DMD: variants seen among roughly 807,000 people sequenced by gnomAD.
DMD encodes dystrophin.
Under a neutral mutation model 330.1 loss-of-function variants are expected in DMD, and 63 were observed. The observed-to-expected ratio is 0.19, with a 90% CI of 0.16 to 0.24. DMD has a LOEUF of 0.24. DMD is among the 10% of genes least tolerant of loss of function. The probability of loss-of-function intolerance (pLI) is 1.00; values close to 1 mark genes in which losing one functional copy is unlikely to be tolerated. For synonymous variants in DMD, 1,223 were observed against 959.8 expected (o/e 1.27, Z -5.07); for missense variants, 3,344 against 2,684.1 (o/e 1.25, Z -5.43).
intron 50 of DMD, among the ~76,000 whole-genome samples, chrX:31,809,725 G>A (rs2092402690): frequency 9.0e-6 from 1 of 111,293 alleles, no homozygotes. Context: ...AGGGTTTAAG[G>A]AGATAGGGGT....
chrX:31,869,311 G>A (rs2093851171), intron 48 of DMD, among the ~76,000 whole-genome samples: 1 of 110,379 alleles, frequency 9.1e-6, no homozygotes, highest in South Asian at 3.9e-4. Context: ...AAGGGTGATG[G>A]TAGAGATAGA....
At chrX:31,689,557 T>C (rs1406582228) in intron 52 of DMD, among the ~76,000 whole-genome samples, 2 of 111,668 alleles carry the variant, frequency 1.8e-5, no homozygotes, top group Non-Finnish European at 3.8e-5. Flanking sequence ...AGGAAATTTA[T>C]AGATTCAATG....
At chrX:31,205,819 G>A (rs1341495492) in intron 66 of DMD, among the ~76,000 whole-genome samples, 1 of 112,321 alleles carries the variant, frequency 8.9e-6, no homozygotes, top group East Asian at 2.8e-4. Flanking sequence ...CCTCACATGT[G>A]TGGCTAGGCC....
At chrX:31,246,071 A>G (rs956650597) in intron 63 of DMD, among the ~76,000 whole-genome samples, 1 of 112,324 alleles carries the variant, frequency 8.9e-6, no homozygotes, top group African/African-American at 3.2e-5. Context: ...TTAATGAAGG[A>G]AATTAAAAGT....
chrX:31,807,989 T>C (rs965990637), intron 50 of DMD, among the ~76,000 whole-genome samples: 2 of 111,601 alleles, frequency 1.8e-5, no homozygotes, highest in Non-Finnish European at 3.8e-5. Context: ...ATAATAATAA[T>C]GTAGTACCTA....
intron 18 of DMD, among the ~76,000 whole-genome samples, chrX:32,503,758 G>A (rs1205522147): frequency 7.2e-5 from 8 of 111,031 alleles, no homozygotes; most frequent in Non-Finnish European, 1.3e-4. Flanking sequence ...GTTTCACCAT[G>A]TTGGCCAGGC....
At chrX:33,299,189 G>C (rs1451245762) in intron 1 of DMD, among the ~76,000 whole-genome samples, 1 of 110,591 alleles carries the variant, frequency 9.0e-6, no homozygotes, top group African/African-American at 3.3e-5. Context: ...TGGTTATTAT[G>C]TTACTCTATA....
intron 28 of DMD, among the ~76,000 whole-genome samples, chrX:32,438,989 T>C (rs1356454555): frequency 9.0e-6 from 1 of 111,330 alleles, no homozygotes; most frequent in Non-Finnish European, 1.9e-5. Flanking sequence ...GCTTAAACCG[T>C]TGTCTGATTC....
intron 44 of DMD, among the ~76,000 whole-genome samples, chrX:32,099,540 C>T (rs1445945627): frequency 9.1e-6 from 1 of 109,500 alleles, no homozygotes; most frequent in Non-Finnish European, 1.9e-5. Context: ...GGCACATATA[C>T]ACCATGGAAT....
intron 51 of DMD, among the ~76,000 whole-genome samples, chrX:31,748,398 C>G (rs1383242452): frequency 8.9e-6 from 1 of 111,850 alleles, no homozygotes; most frequent in African/African-American, 3.3e-5. Flanking sequence ...CATTAGGAAC[C>G]TGAGAGATGC....
intron 1 of DMD, among the ~76,000 whole-genome samples, chrX:33,078,288 A>T (rs2094875723): frequency 8.9e-6 from 1 of 112,190 alleles, no homozygotes; most frequent in South Asian, 3.7e-4. Flanking sequence ...TGATTCTTTA[A>T]AGGAAGCATG....
intron 52 of DMD, among the ~76,000 whole-genome samples, chrX:31,710,477 G>A (rs1330628140): frequency 9.9e-5 from 11 of 110,729 alleles, no homozygotes; most frequent in African/African-American, 3.3e-4. Flanking sequence ...AGTAAAGATG[G>A]GTAGTTTATG....
chrX:33,251,072 C>T (rs2052764803), intron 1 of DMD, among the ~76,000 whole-genome samples: 1 of 110,759 alleles, frequency 9.0e-6, no homozygotes, highest in African/African-American at 3.3e-5. Context: ...TTTCTACTTG[C>T]TGAGCCCGTA....
intron 7 of DMD, among the ~76,000 whole-genome samples, chrX:32,803,235 A>G (rs961360540): frequency 9.0e-6 from 1 of 110,527 alleles, no homozygotes; most frequent in Non-Finnish European, 1.9e-5. Flanking sequence ...TTTCTTCTAG[A>G]TTTTCTAGTT....
Position 32,581,659 on chromosome X carries a change from A to G in DMD, c.1603-7813T>C, listed in dbSNP as rs371904516. Among the ~76,000 whole-genome samples the G allele has an allele frequency of 2.7e-5, 3 of 112,186 alleles. No individual in the cohort carries two copies. In the East Asian group the frequency reaches 8.4e-4, roughly 31 times the overall value. ...ACATTTTTATGTGTATTAAATACAT[A>G]AAAATTTAATTTTAAAATTTCCCAT... On this transcript the variant is annotated intron_variant, in intron 13 of 78. Coordinates refer to ENST00000357033, the MANE Select transcript of DMD (RefSeq NM_004006.3).
chrX:31,832,444 T>C (rs1318941475), intron 49 of DMD, among the ~76,000 whole-genome samples: 2 of 111,827 alleles, frequency 1.8e-5, no homozygotes, highest in East Asian at 5.6e-4. Flanking sequence ...AAATGAATCA[T>C]CCCTGGTTGT....
At chrX:31,277,794 T>C (rs1431485131) in intron 62 of DMD, among the ~76,000 whole-genome samples, 2 of 111,123 alleles carry the variant, frequency 1.8e-5, no homozygotes, top group African/African-American at 3.3e-5. Flanking sequence ...GAAATCTATA[T>C]AGTGGATCAT....
At chrX:31,682,017 G>A (rs1213808099) in intron 52 of DMD, among the ~76,000 whole-genome samples, 1 of 112,001 alleles carries the variant, frequency 8.9e-6, no homozygotes, top group African/African-American at 3.2e-5. Flanking sequence ...GGAGGCAGAG[G>A]TTGCAGTGAG....
intron 44 of DMD, among the ~76,000 whole-genome samples, chrX:32,164,489 G>A (rs2096860843): frequency 9.0e-6 from 1 of 111,634 alleles, no homozygotes; most frequent in South Asian, 3.8e-4. Context: ...CTAGAGATCT[G>A]TGGAACTTTG....
Sources: gnomAD v4.1 joint callset for allele counts (sites outside exome capture counted in the v4.1 genomes callset) on GRCh38, gnomAD v4.1.1 for gene constraint, MANE v1.5 for transcripts, NCBI Gene and HGNC (gene_info 2026-07-23, HGNC 2026-07-21) for gene names.